OLFM3: variants seen among roughly 807,000 people sequenced by gnomAD.
OLFM3 encodes the protein noelin-3.
OLFM3 carries 20 observed loss-of-function variants against 48.6 expected under a neutral mutation model. The observed-to-expected ratio is 0.41, with a 90% CI of 0.29 to 0.60. The LOEUF (loss-of-function observed/expected upper bound fraction) is 0.60, where lower values mean the gene tolerates loss of function less well. OLFM3 is among the 20% of genes least tolerant of loss of function. The probability of loss-of-function intolerance (pLI) is 0.28; values close to 1 mark genes in which losing one functional copy is unlikely to be tolerated. For missense variants in OLFM3, 437 were observed against 544.3 expected (o/e 0.80, Z 1.96); for synonymous variants, 222 against 198.1 (o/e 1.12, Z -1.01).
At chr1:101,943,705 TTAAA>T (rs1309747764) in intron 1 of OLFM3, among the ~76,000 whole-genome samples, 3 of 152,188 alleles carry the variant, frequency 2.0e-5, no homozygotes, top group Non-Finnish European at 4.4e-5. Context: ...GAATGTTTTC[TTAAA>T]TAAAAATGTA....
At chr1:101,840,253 C>T (rs961007988) in intron 1 of OLFM3, among the ~76,000 whole-genome samples, 4 of 152,240 alleles carry the variant, frequency 2.6e-5, no homozygotes, top group African/African-American at 7.2e-5. Flanking sequence ...CTATTCATTA[C>T]CTGGCAGTTC....
chr1:101,843,780 C>T (rs1317787670), intron 1 of OLFM3, among the ~76,000 whole-genome samples: 1 of 152,098 alleles, frequency 6.6e-6, no homozygotes. Flanking sequence ...TTTCTTTTTC[C>T]AGGTCATTTG....
At chr1:101,828,593 T>A (rs1383796215) in intron 3 of OLFM3, among the ~76,000 whole-genome samples, 1 of 152,204 alleles carries the variant, frequency 6.6e-6, no homozygotes, top group Non-Finnish European at 1.5e-5. Context: ...ATCTCAATTT[T>A]GTATCCTTTT....
intron 1 of OLFM3, among the ~76,000 whole-genome samples, chr1:101,961,463 TA>T (rs1198934922): frequency 6.6e-6 from 1 of 151,984 alleles, no homozygotes; most frequent in Non-Finnish European, 1.5e-5. Context: ...AGAGTAGAGA[TA>T]TTTTTTATTA....
In OLFM3 at chr1:101,885,158, G is replaced by A. The variant is rs539570168; in HGVS notation, c.70-48133C>T. Among the ~76,000 whole-genome samples, 3 of 152,064 alleles carry A rather than the reference G, an allele frequency of 2.0e-5. No homozygotes were observed. The South Asian group carries it at 6.2e-4, about 32-fold the overall frequency. ...CAACAGAGCCAGCCAAGAAAACTAT[G>A]AAAGAGATTGTGGATATGGCAAAAA... On this transcript the variant is annotated intron_variant, in intron 1 of 5. Transcript: ENST00000370103.
Position 101,830,658 on chromosome 1 carries a change from G to C in OLFM3, c.372+14C>G, listed in dbSNP as rs117361152. The C allele has an allele frequency of 1.4e-5, 23 of 1,613,978 alleles. No homozygotes were observed. In the East Asian group the frequency reaches 4.0e-4, roughly 28 times the overall value. ...TCTGATTTGGATTGACAAGATTGCA[G>C]AAGTCAAACCTACCTGAAAATGCTT... On this transcript the variant is annotated intron_variant, in intron 3 of 5. Transcript: ENST00000370103.
At chr1:101,986,197 C>T (rs1437467118) in intron 1 of OLFM3, among the ~76,000 whole-genome samples, 3 of 152,070 alleles carry the variant, frequency 2.0e-5, no homozygotes, top group Admixed American at 2.0e-4. Flanking sequence ...GATCCCTGAC[C>T]TCGTGATCCG....
intron 4 of OLFM3, among the ~76,000 whole-genome samples, chr1:101,816,633 G>A (rs1279251993): frequency 6.6e-6 from 1 of 152,126 alleles, no homozygotes; most frequent in Admixed American, 6.6e-5. Context: ...TATGAAGTTG[G>A]ACAATGCCTT....
At chr1:101,919,775 G>A (rs1192268783) in intron 1 of OLFM3, among the ~76,000 whole-genome samples, 1 of 152,004 alleles carries the variant, frequency 6.6e-6, no homozygotes, top group Admixed American at 6.6e-5. Context: ...ATCTCTTCCT[G>A]GAGCTCCACA....
At chr1:101,959,499 C>G (rs956307777) in intron 1 of OLFM3, among the ~76,000 whole-genome samples, 1 of 152,050 alleles carries the variant, frequency 6.6e-6, no homozygotes, top group African/African-American at 2.4e-5. Flanking sequence ...ATGACATGCA[C>G]TGTGCTCGGC....
At chr1:101,845,485 T>A (rs1013894208) in intron 1 of OLFM3, among the ~76,000 whole-genome samples, 11 of 152,170 alleles carry the variant, frequency 7.2e-5, no homozygotes, top group African/African-American at 2.7e-4. Flanking sequence ...AGTACCTCAG[T>A]TTACATTCAT....
At chr1:101,932,612 A>T (rs1659477732) in intron 1 of OLFM3, among the ~76,000 whole-genome samples, 1 of 152,198 alleles carries the variant, frequency 6.6e-6, no homozygotes, top group Non-Finnish European at 1.5e-5. Flanking sequence ...GGCATGACAG[A>T]AGATAAAAGC....
At chr1:101,945,611 TA>T (rs893442990) in intron 1 of OLFM3, among the ~76,000 whole-genome samples, 3 of 152,052 alleles carry the variant, frequency 2.0e-5, no homozygotes, top group Admixed American at 2.0e-4. Context: ...TTGAAATTTA[TA>T]AAACATAAAA....
intron 1 of OLFM3, among the ~76,000 whole-genome samples, chr1:101,921,621 G>T (rs1180712890): frequency 6.6e-6 from 1 of 152,154 alleles, no homozygotes. Flanking sequence ...CAACTACAGA[G>T]GGGTAAATCT....
At chr1:101,839,194 AT>A (rs1655587576) in intron 1 of OLFM3, among the ~76,000 whole-genome samples, 1 of 152,104 alleles carries the variant, frequency 6.6e-6, no homozygotes, top group African/African-American at 2.4e-5. Context: ...GCTGCCTTTT[AT>A]TTTTGGGGGT....
chr1:101,914,835 A>G (rs6675921), intron 1 of OLFM3, among the ~76,000 whole-genome samples: 6,769 of 152,312 alleles, frequency 0.044, 283 homozygotes, highest in African/African-American at 0.11. Context: ...CATGGAGTCC[A>G]TCTATAAAAA....
At chr1:101,901,936 T>C (rs1461935654) in intron 1 of OLFM3, among the ~76,000 whole-genome samples, 1 of 152,044 alleles carries the variant, frequency 6.6e-6, no homozygotes, top group East Asian at 1.9e-4. Flanking sequence ...AGTGAGGTCA[T>C]AATAAGAATT....
intron 1 of OLFM3, among the ~76,000 whole-genome samples, chr1:101,984,759 T>G (rs1469887351): frequency 1.3e-5 from 2 of 152,204 alleles, no homozygotes; most frequent in African/African-American, 4.8e-5. Flanking sequence ...ACACTGTAAT[T>G]TATGTCTATG....
At chr1:101,847,655 G>A (rs1201362279) in intron 1 of OLFM3, among the ~76,000 whole-genome samples, 1 of 152,150 alleles carries the variant, frequency 6.6e-6, no homozygotes, top group East Asian at 1.9e-4. Context: ...ACAGAAAAGA[G>A]AAAAGACAGC....
Sources: gnomAD v4.1 joint callset for allele counts (sites outside exome capture counted in the v4.1 genomes callset) on GRCh38, gnomAD v4.1.1 for gene constraint, MANE v1.5 for transcripts, NCBI Gene and HGNC (gene_info 2026-07-23, HGNC 2026-07-21) for gene names.